The following ZFHX3 variants were observed in gnomAD, a reference collection of about 807,000 sequenced individuals.
ZFHX3 encodes zinc finger homeobox protein 3.
A neutral mutation model predicts 279.1 loss-of-function variants in ZFHX3; 42 were observed. The observed-to-expected ratio is 0.15, with a 90% CI of 0.12 to 0.19. The LOEUF (loss-of-function observed/expected upper bound fraction) is 0.19, where lower values mean the gene tolerates loss of function less well. Ranked by LOEUF, ZFHX3 falls within the 10% of genes least tolerant of loss-of-function variation. The pLI, the probability that ZFHX3 is intolerant of heterozygous loss-of-function variation, is 1.00. For synonymous variants in ZFHX3, 2,293 were observed against 1,957.8 expected, an observed-to-expected ratio of 1.17 and a Z score of -4.52; for missense variants, 4,981 against 4,754.0, an observed-to-expected ratio of 1.05 and a Z score of -1.40.
intron 1 of ZFHX3, among the ~76,000 whole-genome samples, chr16:73,022,477 A>G (rs774809659): frequency 3.5e-4 from 53 of 152,186 alleles, no homozygotes; most frequent in Non-Finnish European, 5.9e-4. Context: ...GTTGGGGATG[A>G]GGGTGGCTGT....
At chr16:73,637,889 G>T (rs1451664374) in intron 2 of ZFHX3, among the ~76,000 whole-genome samples, 1 of 152,052 alleles carries the variant, frequency 6.6e-6, no homozygotes, top group East Asian at 1.9e-4. Flanking sequence ...TTTGTAAAAA[G>T]AATTTTAATA....
intron 2 of ZFHX3, among the ~76,000 whole-genome samples, chr16:73,673,857 G>A (rs1348537848): frequency 2.6e-5 from 4 of 152,092 alleles, no homozygotes; most frequent in South Asian, 2.1e-4. Flanking sequence ...GATCTAGAAC[G>A]TATGCACATC....
rs568864738 is a variant in ZFHX3 at position 73,741,444 on chromosome 16, A to G, written c.-1607-61204T>C. 2.7e-3 allele frequency among the ~76,000 whole-genome samples: 413 copies of G among 152,284 alleles called. 1 individual carries two copies. The highest frequency in any genetic ancestry group is 9.1e-3 in the African/African-American group (380 of 41,558). ...AGCAGGTCTACAGTTTCTCTCACAA[A>G]CAGTCTCCATAGTTTCCTCCCTCCC... On this transcript the variant is annotated intron_variant, in intron 1 of 17. Coordinates refer to the ZFHX3 transcript ENST00000641206.
intron 2 of ZFHX3, among the ~76,000 whole-genome samples, chr16:73,627,454 GA>G (rs2052428170): frequency 6.6e-6 from 1 of 152,214 alleles, no homozygotes; most frequent in South Asian, 2.1e-4. Flanking sequence ...ACAGAGACAG[GA>G]ACAGCTCAAA....
At chr16:73,135,834 A>G (rs528071081) in intron 6 of ZFHX3, among the ~76,000 whole-genome samples, 3 of 151,102 alleles carry the variant, frequency 2.0e-5, no homozygotes, top group African/African-American at 7.3e-5. Context: ...ATTGCCTTAT[A>G]CTAGGCTCAC....
At chr16:73,484,348 G>C (rs1356026135) in intron 2 of ZFHX3, among the ~76,000 whole-genome samples, 1 of 152,142 alleles carries the variant, frequency 6.6e-6, no homozygotes, top group East Asian at 1.9e-4. Context: ...TAACAATTCA[G>C]ACATGGGCTT....
At chr16:72,931,455 A>ACACACT (rs1491325336) in intron 3 of ZFHX3, among the ~76,000 whole-genome samples, 71 of 129,242 alleles carry the variant, frequency 5.5e-4, no homozygotes, top group Admixed American at 2.3e-3. Context: ...ACACACACAC[A>ACACACT]CTCTTCAGCT....
intron 4 of ZFHX3, among the ~76,000 whole-genome samples, chr16:73,279,896 G>A (rs546512179): frequency 6.6e-6 from 1 of 152,264 alleles, no homozygotes; most frequent in South Asian, 2.1e-4. Context: ...AACTATGCAC[G>A]ACAGAAAGGT....
At chr16:73,749,963 A>G (rs1373525759) in intron 1 of ZFHX3, among the ~76,000 whole-genome samples, 1 of 152,186 alleles carries the variant, frequency 6.6e-6, no homozygotes, top group Non-Finnish European at 1.5e-5. Flanking sequence ...CTAGCCTCAG[A>G]GCAGTAAACA....
At chr16:73,764,753 T>C (rs2053910441) in intron 1 of ZFHX3, among the ~76,000 whole-genome samples, 1 of 152,218 alleles carries the variant, frequency 6.6e-6, no homozygotes, top group South Asian at 2.1e-4. Context: ...GCCTTTGTAA[T>C]ACTGCCACGT....
chr16:72,823,031 G>C (rs929766984), intron 5 of ZFHX3, among the ~76,000 whole-genome samples: 7 of 152,134 alleles, frequency 4.6e-5, no homozygotes, highest in Admixed American at 6.5e-5. Context: ...TTGTGAGACA[G>C]AATTCCGCCT....
intron 4 of ZFHX3, among the ~76,000 whole-genome samples, chr16:72,862,321 C>T (rs186555093): frequency 4.6e-4 from 70 of 152,306 alleles, no homozygotes; most frequent in Admixed American, 3.9e-3. Context: ...CCAACCAGGC[C>T]CTAAGCCTGC....
At chr16:73,577,418 T>C (rs2051812367) in intron 2 of ZFHX3, among the ~76,000 whole-genome samples, 2 of 152,218 alleles carry the variant, frequency 1.3e-5, no homozygotes, top group African/African-American at 4.8e-5. Context: ...CTCTGTAGTA[T>C]TTCTTACAAC....
chr16:72,993,173 C>T (rs1454020253), intron 1 of ZFHX3, among the ~76,000 whole-genome samples: 1 of 152,138 alleles, frequency 6.6e-6, no homozygotes. Context: ...TGCAAAAAGG[C>T]AGGACACATG....
intron 7 of ZFHX3, among the ~76,000 whole-genome samples, chr16:72,804,932 C>T (rs934296064): frequency 2.6e-5 from 4 of 152,026 alleles, no homozygotes; most frequent in African/African-American, 9.7e-5. Flanking sequence ...GATCGATGCC[C>T]CAGACACATT....
At chr16:73,186,377 C>G (rs1422719705) in intron 5 of ZFHX3, among the ~76,000 whole-genome samples, 1 of 151,946 alleles carries the variant, frequency 6.6e-6, no homozygotes, top group Non-Finnish European at 1.5e-5. Context: ...TGAATAGAAC[C>G]CCCCTCACCT....
chr16:73,359,489 C>A (rs564714764), intron 3 of ZFHX3, among the ~76,000 whole-genome samples: 4 of 152,074 alleles, frequency 2.6e-5, no homozygotes, highest in Non-Finnish European at 5.9e-5. Flanking sequence ...TCAGTATTTG[C>A]GAAAAGTGCT....
At chr16:73,804,780 A>T (rs143023946) in intron 1 of ZFHX3, among the ~76,000 whole-genome samples, 1 of 152,068 alleles carries the variant, frequency 6.6e-6, no homozygotes, top group East Asian at 1.9e-4. Context: ...ATATTCTAAC[A>T]TCACTGCAAA....
At chr16:72,971,541 A>C (rs1400138945) in intron 1 of ZFHX3, among the ~76,000 whole-genome samples, 1 of 152,124 alleles carries the variant, frequency 6.6e-6, no homozygotes, top group East Asian at 1.9e-4. Flanking sequence ...TACCACTCTA[A>C]AACTAGGCTC....
Sources: gnomAD v4.1 joint callset for allele counts (sites outside exome capture counted in the v4.1 genomes callset) on GRCh38, gnomAD v4.1.1 for gene constraint, MANE v1.5 for transcripts, NCBI Gene and HGNC (gene_info 2026-07-23, HGNC 2026-07-21) for gene names.